DLG2: variants seen among roughly 807,000 people sequenced by gnomAD.
DLG2 encodes the protein discs large MAGUK scaffold protein 2.
In DLG2, 45 loss-of-function variants were observed where a neutral mutation model predicts 132.5. The observed-to-expected ratio is 0.34, with a 90% confidence interval of 0.27 to 0.44. The LOEUF is 0.44. Among genes scored for constraint, DLG2 ranks in the 20% least tolerant of loss-of-function variants. The probability of loss-of-function intolerance (pLI) is 1.00; values close to 1 mark genes in which losing one functional copy is unlikely to be tolerated. For missense variants in DLG2, 1,045 were observed against 1,196.9 expected (o/e 0.87, Z 1.87); for synonymous variants, 424 against 419.6 (o/e 1.01, Z -0.13).
chr11:83,922,454 C>T (rs538964219), intron 15 of DLG2, among the ~76,000 whole-genome samples: 1 of 152,034 alleles, frequency 6.6e-6, no homozygotes, highest in South Asian at 2.1e-4. Context: ...AGGGGCTATG[C>T]CTTGTGAGTC....
In DLG2 at chr11:85,089,123, AT is replaced by A. The variant is rs200146393; in HGVS notation, c.357+22537del. Among the ~76,000 whole-genome samples the A allele has an allele frequency of 6.0e-5, 9 of 150,144 alleles. No individual in the cohort carries two copies. The South Asian group carries it at 8.4e-4, about 14-fold the overall frequency. On this transcript the variant is annotated intron_variant, in intron 6 of 27. Transcript: ENST00000376104. ...CTTTTGTATACTCAGTAAACTTCTAATTTTTTTTTTCAATTTCAACTTTTAT... is the reference window on the plus strand; with the variant it reads ...CTTTTGTATACTCAGTAAACTTCTAATTTTTTTTTCAATTTCAACTTTTAT...
At position 84,438,541 on chromosome 11, in the gene DLG2, T is replaced by C. The variant is rs1472574802; in HGVS notation, c.519+96029A>G. 4.6e-5 allele frequency among the ~76,000 whole-genome samples: 7 copies of C among 152,336 alleles called. No homozygotes were observed. In the East Asian group the frequency reaches 1.2e-3, roughly 25 times the overall value. On this transcript the variant is annotated intron_variant, in intron 7 of 27. Transcript: ENST00000376104. ...TCCAGTGTTCAGTGGATGACTGAAA[T>C]ATCACCTTTGGGGAGGTAGATTTAT... is the stretch of plus-strand genomic sequence containing the variant.
At chr11:85,453,278 G>A in intron 3 of DLG2, 1 of 298,046 alleles carries the variant, frequency 3.4e-6, no homozygotes, top group Non-Finnish European at 6.6e-6. Flanking sequence ...TGGAAATCCA[G>A]AATTAATATG....
intron 4 of DLG2, among the ~76,000 whole-genome samples, chr11:85,171,244 C>T (rs1230238935): frequency 1.3e-5 from 2 of 152,098 alleles, no homozygotes; most frequent in Non-Finnish European, 1.5e-5. Context: ...ACTAGGTAGA[C>T]AGCTGGACCC....
At chr11:85,210,783 AC>A (rs2082203544) in intron 4 of DLG2, among the ~76,000 whole-genome samples, 1 of 152,066 alleles carries the variant, frequency 6.6e-6, no homozygotes, top group Admixed American at 6.6e-5. Flanking sequence ...CTCAGGAACT[AC>A]CCATCAACTT....
chr11:84,106,811 A>T (rs1249680427), intron 9 of DLG2, among the ~76,000 whole-genome samples: 2 of 91,546 alleles, frequency 2.2e-5, no homozygotes, highest in Non-Finnish European at 5.1e-5. Context: ...GTAGATTATT[A>T]TCTGTGTGTG....
At chr11:84,196,307 A>G (rs757027450) in intron 8 of DLG2, among the ~76,000 whole-genome samples, 13 of 152,232 alleles carry the variant, frequency 8.5e-5, no homozygotes, top group Non-Finnish European at 1.6e-4. Context: ...CAGGAACTCA[A>G]CAGACAGAAA....
At chr11:84,750,962 T>C (rs558197076) in intron 6 of DLG2, among the ~76,000 whole-genome samples, 6 of 152,166 alleles carry the variant, frequency 3.9e-5, no homozygotes, top group East Asian at 1.9e-4. Flanking sequence ...AAATCAGGCA[T>C]TGAGGTATCC....
intron 6 of DLG2, among the ~76,000 whole-genome samples, chr11:84,595,684 G>T (rs1249589188): frequency 6.6e-6 from 1 of 152,068 alleles, no homozygotes; most frequent in African/African-American, 2.4e-5. Context: ...TCTTCCGGAA[G>T]TTGTTTCAAG....
intron 19 of DLG2, among the ~76,000 whole-genome samples, chr11:83,566,616 C>A (rs1171758486): frequency 6.6e-6 from 1 of 151,652 alleles, no homozygotes; most frequent in Non-Finnish European, 1.5e-5. Context: ...GTGTCTAGCA[C>A]AAAAGTGTTA....
At chr11:84,354,885 A>T (rs762887558) in intron 7 of DLG2, among the ~76,000 whole-genome samples, 1 of 152,190 alleles carries the variant, frequency 6.6e-6, no homozygotes, top group African/African-American at 2.4e-5. Flanking sequence ...ACAAAAACAG[A>T]AAGATGGAGA....
intron 19 of DLG2, among the ~76,000 whole-genome samples, chr11:83,559,266 G>C (rs2096571389): frequency 6.6e-6 from 1 of 152,086 alleles, no homozygotes; most frequent in South Asian, 2.1e-4. Context: ...GGGTGTGCAG[G>C]GGGGAAATCT....
intron 2 of DLG2, among the ~76,000 whole-genome samples, chr11:85,606,302 G>C (rs2080534089): frequency 6.6e-6 from 1 of 152,094 alleles, no homozygotes; most frequent in Non-Finnish European, 1.5e-5. Flanking sequence ...GGTGAAGCCG[G>C]CTGGCTTCTG....
chr11:85,415,581 G>A (rs555311467), intron 3 of DLG2, among the ~76,000 whole-genome samples: 5 of 152,200 alleles, frequency 3.3e-5, no homozygotes, highest in East Asian at 1.9e-4. Context: ...TTCTCATTGC[G>A]ATTTTGATTT....
chr11:85,122,063 TGAAA>T (rs997784611), intron 5 of DLG2, among the ~76,000 whole-genome samples: 1 of 152,174 alleles, frequency 6.6e-6, no homozygotes, highest in Non-Finnish European at 1.5e-5. Flanking sequence ...GTCTGTTAAA[TGAAA>T]GAATCAATCA....
intron 5 of DLG2, among the ~76,000 whole-genome samples, chr11:85,123,675 C>T (rs1566896679): frequency 1.3e-5 from 2 of 152,142 alleles, no homozygotes; most frequent in African/African-American, 2.4e-5. Context: ...AATAGAATTC[C>T]AAATTCCAAG....
chr11:85,477,586 T>C (rs1485727455), intron 3 of DLG2, among the ~76,000 whole-genome samples: 4 of 152,244 alleles, frequency 2.6e-5, no homozygotes, highest in Non-Finnish European at 5.9e-5. Flanking sequence ...TCTGAGTTAC[T>C]TGTGTTAAAT....
intron 5 of DLG2, among the ~76,000 whole-genome samples, chr11:85,133,559 A>G (rs1377730720): frequency 6.6e-6 from 1 of 152,196 alleles, no homozygotes; most frequent in Non-Finnish European, 1.5e-5. Flanking sequence ...CTTATAGAAA[A>G]GGGTTACATT....
chr11:84,150,032 A>G lies in DLG2; in HGVS notation c.624+13429T>C, dbSNP rs190549707. Among the ~76,000 whole-genome samples the G allele has an allele frequency of 5.3e-5, 8 of 152,286 alleles. No individual in the cohort carries two copies. The East Asian group carries it at 1.5e-3, about 29-fold the overall frequency. On this transcript the variant is annotated intron_variant, in intron 9 of 27. Coordinates refer to ENST00000376104, the MANE Select transcript of DLG2 (RefSeq NM_001142699.3). ...TAGCCTCCCAAACTGCTGGGGTTACAGGTGTGAGCCACTGCACCCAGCCAC... is the reference window on the plus strand; with the variant it reads ...TAGCCTCCCAAACTGCTGGGGTTACGGGTGTGAGCCACTGCACCCAGCCAC...
Sources: gnomAD v4.1 joint callset for allele counts (sites outside exome capture counted in the v4.1 genomes callset) on GRCh38, gnomAD v4.1.1 for gene constraint, MANE v1.5 for transcripts, NCBI Gene and HGNC (gene_info 2026-07-23, HGNC 2026-07-21) for gene names.